The following CEPT1 variants were observed in gnomAD, a reference collection of about 807,000 sequenced individuals.
CEPT1 encodes choline/ethanolaminephosphotransferase 1.
Under a neutral mutation model 42.6 loss-of-function variants are expected in CEPT1, and 7 were observed. The ratio of observed to expected loss-of-function variants is 0.16; its 90% CI spans 0.09 to 0.31. The LOEUF is 0.31. CEPT1 is among the 10% of genes least tolerant of loss of function. CEPT1 has a pLI of 1.00. For missense variants in CEPT1, 306 were observed against 502.1 expected (o/e 0.61, Z 3.73); for synonymous variants, 171 against 171.9 (o/e 0.99, Z 0.04).
chr1:111,167,353 G>A (rs558391818), intron 4 of CEPT1: 2 of 955,244 alleles, frequency 2.1e-6, no homozygotes, highest in South Asian at 9.7e-5. Flanking sequence ...ATATATTAGG[G>A]CAATAAAAAT....
chr1:111,155,582 C>T lies in CEPT1; in HGVS notation c.340-3798C>T, dbSNP rs187959995. Among the ~76,000 whole-genome samples the T allele has an allele frequency of 3.3e-5, 5 of 151,236 alleles. No individual in the cohort carries two copies. In the East Asian group the frequency reaches 7.8e-4, roughly 24 times the overall value. ...GAGATGGAGTTTTGCTTTTATTGTC[C>T]GGGCTGGAGTGCAATGGCATGATCT... On this transcript the variant is annotated intron_variant, in intron 2 of 8. Transcript: ENST00000357172.
At position 111,142,978 on chromosome 1, in the gene CEPT1, C is replaced by T. The variant is rs571646052; in HGVS notation, c.-74+2671C>T. 1.6e-3 allele frequency among the ~76,000 whole-genome samples: 237 copies of T among 152,320 alleles called. 2 individuals carry two copies. The highest frequency in any genetic ancestry group is 8.0e-3 in the Admixed American group (123 of 15,310). On this transcript the variant is annotated intron_variant, in intron 1 of 8. Coordinates refer to ENST00000357172, the MANE Select transcript of CEPT1 (RefSeq NM_006090.5). ...GTATTATTATGAACTGACAGCATTA[C>T]AGCTGATGGGAATTTTATACAGTTT...
chr1:111,167,869 G>A, intron 4 of CEPT1: 2 of 647,790 alleles, frequency 3.1e-6, no homozygotes, highest in Non-Finnish European at 3.8e-6. Flanking sequence ...CTAATGTACT[G>A]CTAAAAGTAA....
In CEPT1 at chr1:111,183,591, A is replaced by G. The variant is rs694180; in HGVS notation, c.1131+4A>G. 0.68 allele frequency: 1,089,031 copies of G among 1,608,536 alleles called. 371,595 individuals carry two copies. The highest frequency in any genetic ancestry group is 0.83 in the African/African-American group (62,172 of 74,848). On this transcript the variant is annotated splice_donor_region_variant and intron_variant, in intron 8 of 8. Transcript: ENST00000357172. ...TATTGTACTTTGGATTGCCCTGGTAAGTATTGTACTAAGTCTTATTTCATG... is the reference window on the plus strand; with the variant it reads ...TATTGTACTTTGGATTGCCCTGGTAGGTATTGTACTAAGTCTTATTTCATG...
chr1:111,173,460 T>C (rs1656522379), intron 4 of CEPT1, among the ~76,000 whole-genome samples: 1 of 152,238 alleles, frequency 6.6e-6, no homozygotes, highest in Admixed American at 6.5e-5. Flanking sequence ...ACAGCTTATG[T>C]ATCTTAAACT....
chr1:111,167,449 ATTATT>A, intron 4 of CEPT1: 1 of 870,702 alleles, frequency 1.1e-6, no homozygotes, highest in Non-Finnish European at 1.4e-6. Context: ...TATTGTGCCT[ATTATT>A]TTTATTCTAT....
At chr1:111,151,700 C>T (rs1343782816) in intron 2 of CEPT1, among the ~76,000 whole-genome samples, 3 of 152,144 alleles carry the variant, frequency 2.0e-5, no homozygotes. Flanking sequence ...CCTTTCAGAT[C>T]TTAGTTAATC....
intron 1 of CEPT1, among the ~76,000 whole-genome samples, chr1:111,144,285 C>G (rs1356751656): frequency 6.6e-6 from 1 of 152,128 alleles, no homozygotes; most frequent in Non-Finnish European, 1.5e-5. Context: ...TGACTGCAAA[C>G]TCTGTATCTA....
In CEPT1 at chr1:111,148,052, A is replaced by G. The variant is rs759874015; in HGVS notation, c.338A>G (p.Gln113Arg). The G allele has an allele frequency of 1.6e-5, 25 of 1,610,570 alleles. 1 individual carries two copies. The South Asian group carries it at 2.7e-4, about 18-fold the overall frequency. ...LVFYCPTATE[Q>R]APLWAYIACA... ...TTCTACTGCCCTACAGCTACAGAGC[A>G]GGTAAGAGTTTCTTAACAGATCTCA... The change falls in exon 2 of 9, where the codon CAG (glutamine) becomes CGG (arginine). Residue 113 changes from glutamine to arginine, a missense_variant and splice_region_variant. Physicochemically the swap from Gln to Arg is conservative, Grantham distance 43. This residue lies in a region of CEPT1 where 253 missense variants were observed against 447.3 expected (regional missense o/e 0.57). Coordinates refer to ENST00000357172, the MANE Select transcript of CEPT1 (RefSeq NM_006090.5).
intron 2 of CEPT1, among the ~76,000 whole-genome samples, chr1:111,158,740 A>G (rs544382481): frequency 2.0e-5 from 3 of 152,248 alleles, no homozygotes; most frequent in Admixed American, 2.0e-4. Context: ...TTTGAAGGAT[A>G]TGATTTTGGA....
intron 4 of CEPT1, among the ~76,000 whole-genome samples, chr1:111,168,588 A>C (rs1307482096): frequency 7.3e-5 from 11 of 151,470 alleles, no homozygotes; most frequent in Admixed American, 7.3e-4. Flanking sequence ...TCCCAGGTTC[A>C]CGCCATTCTC....
chr1:111,173,389 A>G (rs1656518060), intron 4 of CEPT1: 1 of 152,332 alleles, frequency 6.6e-6, no homozygotes. Flanking sequence ...TGGGCAAACA[A>G]AGACCCATTT....
intron 1 of CEPT1, 144 bp from the exon 2 acceptor site, chr1:111,147,498 G>A (rs1464365740): frequency 2.5e-6 from 1 of 399,444 alleles, no homozygotes; most frequent in African/African-American, 2.1e-5. Flanking sequence ...CCAAAATCAG[G>A]TCCCTCCTTT....
At chr1:111,171,885 T>C (rs1005222007) in intron 4 of CEPT1, among the ~76,000 whole-genome samples, 1 of 152,172 alleles carries the variant, frequency 6.6e-6, no homozygotes, top group African/African-American at 2.4e-5. Context: ...ATTACAGGCA[T>C]GCGCCACCAC....
At chr1:111,154,950 C>G in intron 2 of CEPT1, among the ~76,000 whole-genome samples, 1 of 151,942 alleles carries the variant, frequency 6.6e-6, no homozygotes, top group East Asian at 1.9e-4. Context: ...TGGTTTTCTT[C>G]TTTTATTGCA....
At chr1:111,162,635 A>G (rs1655932708) in intron 4 of CEPT1, among the ~76,000 whole-genome samples, 1 of 152,254 alleles carries the variant, frequency 6.6e-6, no homozygotes, top group Non-Finnish European at 1.5e-5. Flanking sequence ...TTGAACAGCC[A>G]GAGTAGTAGG....
At chr1:111,183,428 T>C (rs761734026) in intron 7 of CEPT1, 34 bp from the exon 8 acceptor site, 6 of 1,608,298 alleles carry the variant, frequency 3.7e-6, no homozygotes, top group East Asian at 2.2e-5. Flanking sequence ...TGTCCTCTTA[T>C]GAAAATGCCT....
At chr1:111,153,019 A>G (rs567766875) in intron 2 of CEPT1, among the ~76,000 whole-genome samples, 1 of 152,238 alleles carries the variant, frequency 6.6e-6, no homozygotes, top group South Asian at 2.1e-4. Flanking sequence ...TATACAATGC[A>G]TTATTGTTAG....
At chr1:111,148,663 G>T (rs773197106) in intron 2 of CEPT1, among the ~76,000 whole-genome samples, 6 of 152,130 alleles carry the variant, frequency 3.9e-5, no homozygotes, top group Non-Finnish European at 8.8e-5. Flanking sequence ...ACTCACACAG[G>T]CCTTCTCAGA....
Sources: allele counts gnomAD v4.1 joint callset (sites outside exome capture counted in the v4.1 genomes callset), GRCh38; gene constraint gnomAD v4.1.1; regional missense constraint gnomAD v4.1.1; transcripts MANE v1.5; gene names NCBI Gene and HGNC (gene_info 2026-07-23, HGNC 2026-07-21).